SNTB1: variants seen among roughly 807,000 people sequenced by gnomAD.
The protein encoded by SNTB1 is syntrophin beta 1.
In SNTB1, 36 loss-of-function variants were observed where a neutral mutation model predicts 48.9. The ratio of observed to expected loss-of-function variants is 0.74; its 90% confidence interval spans 0.56 to 0.97. The LOEUF (loss-of-function observed/expected upper bound fraction) is 0.97. Among genes scored for constraint, SNTB1 ranks in the 50% least tolerant of loss-of-function variants. The pLI is 0.00. For missense variants in SNTB1, 786 were observed against 703.4 expected (o/e 1.12, Z -1.33); for synonymous variants, 299 against 294.6 (o/e 1.01, Z -0.15).
rs547154887 is a variant in SNTB1 at position 120,811,814 on chromosome 8, AGCC to A, written c.27_29del (p.Ala10del). 1,481 of 1,335,628 alleles carry A rather than the reference AGCC, an allele frequency of 1.1e-3. No homozygotes were observed. The highest frequency in any genetic ancestry group is 8.0e-3 in the South Asian group (374 of 46,912). The allele number at this position is 1,335,628 out of a possible 1,614,324, so 82.7% of individuals were successfully genotyped here. A position where few individuals can be genotyped will look rare whatever the true frequency, so the allele number is the denominator to read the frequency against. On this transcript the variant is annotated inframe_deletion, in exon 1 of 7. Coordinates refer to ENST00000517992, the MANE Select transcript of SNTB1 (RefSeq NM_021021.4). Reference sequence around the variant, plus strand: ...GGCCGCCTCCCGCGCCAGCCGGCCCAGCCGCCGCCGCCGCCGCCGCTACCGCCA... The same window carrying A: ...GGCCGCCTCCCGCGCCAGCCGGCCCAGCCGCCGCCGCCGCCGCTACCGCCA...
intron 1 of SNTB1, among the ~76,000 whole-genome samples, chr8:120,756,390 G>A (rs1819318619): frequency 6.6e-6 from 1 of 152,040 alleles, no homozygotes. Flanking sequence ...GGTAAAGATG[G>A]GTAGGATTTA....
At chr8:120,766,094 G>A (rs934749711) in intron 1 of SNTB1, among the ~76,000 whole-genome samples, 4 of 152,072 alleles carry the variant, frequency 2.6e-5, no homozygotes, top group African/African-American at 9.7e-5. Context: ...GCATTATACT[G>A]GCACTAAAGA....
intron 3 of SNTB1, among the ~76,000 whole-genome samples, chr8:120,623,142 G>A (rs1000870597): frequency 3.3e-5 from 5 of 152,124 alleles, no homozygotes; most frequent in Non-Finnish European, 7.4e-5. Context: ...TTCCTTACAG[G>A]TTTCTCCTAA....
chr8:120,805,232 CT>C lies in SNTB1; in HGVS notation c.571+6040del, dbSNP rs200741087. 4.5e-5 allele frequency among the ~76,000 whole-genome samples: 5 copies of C among 111,886 alleles called. 1 individual carries two copies. In the Admixed American group the frequency reaches 4.9e-4, roughly 11 times the overall value. The allele number at this position is 111,886 out of a possible 152,430, so 73.4% of individuals were successfully genotyped here. A position where few individuals can be genotyped will look rare whatever the true frequency, so the allele number is the denominator to read the frequency against. Reference sequence around the variant, plus strand: ...TGGTAGGCAGAAGAATGCCCACCCTCTCCTCCAAACACACCCACGTCCTGGT... The same window carrying C: ...TGGTAGGCAGAAGAATGCCCACCCTCCCTCCAAACACACCCACGTCCTGGT... On this transcript the variant is annotated intron_variant, in intron 1 of 6. Transcript: ENST00000517992.
chr8:120,663,009 G>GGGCGGGGGGGC (rs1817615398), intron 2 of SNTB1, among the ~76,000 whole-genome samples: 1 of 104,972 alleles, frequency 9.5e-6, no homozygotes, highest in Non-Finnish European at 2.0e-5. Context: ...GTGTGTGTGG[G>GGGCGGGGGGGC]GGTGGGGGGG....
At chr8:120,762,415 C>T (rs1003642222) in intron 1 of SNTB1, among the ~76,000 whole-genome samples, 1 of 152,160 alleles carries the variant, frequency 6.6e-6, no homozygotes, top group South Asian at 2.1e-4. Context: ...ATCCTCTAAT[C>T]AGAATGAAAA....
At chr8:120,594,904 G>A (rs566852864) in intron 3 of SNTB1, among the ~76,000 whole-genome samples, 3 of 152,026 alleles carry the variant, frequency 2.0e-5, no homozygotes, top group African/African-American at 7.2e-5. Flanking sequence ...GGTGATGGTT[G>A]CACAACAATG....
At chr8:120,657,636 C>T (rs1587068422) in intron 2 of SNTB1, among the ~76,000 whole-genome samples, 1 of 152,108 alleles carries the variant, frequency 6.6e-6, no homozygotes, top group East Asian at 1.9e-4. Context: ...TGGATTTTTT[C>T]ATCTAATAAT....
intron 3 of SNTB1, among the ~76,000 whole-genome samples, chr8:120,630,054 G>C (rs1436917606): frequency 6.6e-6 from 1 of 152,208 alleles, no homozygotes; most frequent in African/African-American, 2.4e-5. Flanking sequence ...TGATTGAAGA[G>C]ATGAGAGAAA....
intron 2 of SNTB1, 64 bp downstream of exon 2, chr8:120,693,628 C>T (rs1167232822): frequency 2.2e-6 from 3 of 1,390,584 alleles, no homozygotes; most frequent in Admixed American, 3.5e-5. Context: ...CTCGTGAAAG[C>T]CCCCATTTAG....
chr8:120,736,684 C>A (rs116887605), intron 1 of SNTB1, among the ~76,000 whole-genome samples: 2 of 152,180 alleles, frequency 1.3e-5, no homozygotes, highest in Non-Finnish European at 2.9e-5. Flanking sequence ...CCAGGGATTG[C>A]CAACCGTCTA....
intron 3 of SNTB1, among the ~76,000 whole-genome samples, chr8:120,595,187 C>G (rs1017137750): frequency 1.3e-5 from 2 of 152,196 alleles, no homozygotes; most frequent in Non-Finnish European, 2.9e-5. Flanking sequence ...TGAATAGGAG[C>G]TGGGTAAAAT....
intron 2 of SNTB1, among the ~76,000 whole-genome samples, chr8:120,650,290 A>G (rs1049667326): frequency 6.6e-6 from 1 of 152,214 alleles, no homozygotes; most frequent in African/African-American, 2.4e-5. Flanking sequence ...AGGAGAGTTG[A>G]GAATGAGCCT....
At position 120,538,682 on chromosome 8, in the gene SNTB1, G is replaced by A. The variant is rs1225741555; in HGVS notation, c.*195C>T. 3 of 659,448 alleles carry A rather than the reference G, an allele frequency of 4.5e-6. No homozygotes were observed. The highest frequency in any genetic ancestry group is 4.5e-5 in the South Asian group (3 of 66,424). 40.8% of individuals were successfully genotyped at this position (659,448 alleles called of 1,614,324 possible). The stretch of plus-strand genomic sequence containing the variant: ...AAGTTTTACTCTGATATTTCTCATG[G>A]TACTTTCGCAGGGTATCCCTTGTAG... On this transcript the variant is annotated 3_prime_UTR_variant, in exon 7 of 7. Coordinates refer to ENST00000517992, the MANE Select transcript of SNTB1 (RefSeq NM_021021.4).
intron 1 of SNTB1, among the ~76,000 whole-genome samples, chr8:120,767,724 G>C (rs562101190): frequency 6.6e-6 from 1 of 152,276 alleles, no homozygotes; most frequent in South Asian, 2.1e-4. Flanking sequence ...AATGCAATCA[G>C]ACACCTAAAG....
At position 120,536,750 on chromosome 8, in the gene SNTB1, A is replaced by C. The variant is rs1394285237; in HGVS notation, c.*2127T>G. ...TCCATTGACCCCCACACAGATATTA[A>C]TCAGCCCAAAGCTTAAGTGATAAAG... is the stretch of plus-strand genomic sequence containing the variant. On this transcript the variant is annotated 3_prime_UTR_variant, in exon 7 of 7. Transcript: ENST00000517992. 6.6e-6 allele frequency: 1 copy of C among 152,128 alleles called. No homozygotes were observed. Among genetic ancestry groups the C allele is most frequent in the Non-Finnish European group, 1.5e-5 (1 of 67,992 alleles). 9.4% of individuals were successfully genotyped at this position (152,128 alleles called of 1,614,324 possible). A position where few individuals can be genotyped will look rare whatever the true frequency, so the allele number is the denominator to read the frequency against.
Position 120,541,887 on chromosome 8 carries a change from A to C in SNTB1, c.1447T>G (p.Tyr483Asp). 1 of 1,614,038 alleles carries C rather than the reference A, an allele frequency of 6.2e-7. No individual in the cohort carries two copies. Among genetic ancestry groups the C allele is most frequent in the Non-Finnish European group, 8.5e-7 (1 of 1,179,932 alleles). ...AFPKTIIQSP[Y>D]EKLKMSSDDG... ...TCTGAAGACATTTTGAGCTTTTCAT[A>C]AGGAGACTGTATGATGGTCTTGGGA... is the stretch of plus-strand genomic sequence containing the variant. Residue 483 changes from tyrosine to aspartate, a missense_variant, in exon 6 of 7, where the codon TAT (tyrosine) becomes GAT (aspartate). Transcript: ENST00000517992.
rs189863669 is a variant in SNTB1 at position 120,604,703 on chromosome 8, G to A, written c.996+27741C>T. On this transcript the variant is annotated intron_variant, in intron 3 of 6. Transcript: ENST00000517992. ...TGACCTCAGGTGATCCACCCACCTCGGCCTCCCAAAGTGGTGGGATTGCAG... is the reference window on the plus strand; with the variant it reads ...TGACCTCAGGTGATCCACCCACCTCAGCCTCCCAAAGTGGTGGGATTGCAG... Among the ~76,000 whole-genome samples, 247 of 152,148 alleles carry A rather than the reference G, an allele frequency of 1.6e-3. 2 individuals carry two copies. The highest frequency in any genetic ancestry group is 0.01 in the Middle Eastern group (3 of 294).
chr8:120,681,455 G>T (rs1817929385), intron 2 of SNTB1, among the ~76,000 whole-genome samples: 3 of 152,204 alleles, frequency 2.0e-5, no homozygotes, highest in Non-Finnish European at 2.9e-5. Context: ...CCAGATGTGA[G>T]TCCCTTGGCT....
Sources: gnomAD v4.1 joint callset for allele counts (sites outside exome capture counted in the v4.1 genomes callset) on GRCh38, gnomAD v4.1.1 for gene constraint, MANE v1.5 for transcripts, NCBI Gene and HGNC (gene_info 2026-07-23, HGNC 2026-07-21) for gene names.